ASIC2: variants seen among roughly 807,000 people sequenced by gnomAD.
The protein encoded by ASIC2 is acid sensing ion channel subunit 2.
ASIC2 carries 25 observed loss-of-function variants against 57.3 expected under a neutral mutation model. That is an observed-to-expected ratio of 0.44 (90% CI 0.32 to 0.61). The LOEUF is 0.61. Ranked by LOEUF, ASIC2 falls within the 20% of genes least tolerant of loss-of-function variation. The pLI is 0.06. For missense variants in ASIC2, 641 were observed against 738.1 expected, an observed-to-expected ratio of 0.87 and a Z score of 1.52; for synonymous variants, 319 against 307.5, an observed-to-expected ratio of 1.04 and a Z score of -0.39.
chr17:34,095,735 A>G (rs1312322432), intron 1 of ASIC2, among the ~76,000 whole-genome samples: 2 of 143,716 alleles, frequency 1.4e-5, no homozygotes, highest in Non-Finnish European at 3.0e-5. Flanking sequence ...AGATATATAT[A>G]TAATTTTATA....
chr17:33,164,701 T>C (rs1168210828), intron 1 of ASIC2, among the ~76,000 whole-genome samples: 1 of 152,232 alleles, frequency 6.6e-6, no homozygotes, highest in African/African-American at 2.4e-5. Flanking sequence ...TTGAGCCCTT[T>C]GGAATCATAA....
intron 1 of ASIC2, among the ~76,000 whole-genome samples, chr17:33,232,818 C>G (rs763683482): frequency 6.6e-6 from 1 of 152,196 alleles, no homozygotes; most frequent in East Asian, 1.9e-4. Context: ...GAGATGGACA[C>G]AGGTAATGCA....
intron 1 of ASIC2, among the ~76,000 whole-genome samples, chr17:33,575,756 T>C (rs1916598444): frequency 6.6e-6 from 1 of 152,202 alleles, no homozygotes; most frequent in South Asian, 2.1e-4. Flanking sequence ...CAAGCTGCTC[T>C]GGACTCGGTA....
At chr17:33,848,382 C>T (rs1406747778) in intron 1 of ASIC2, among the ~76,000 whole-genome samples, 1 of 152,150 alleles carries the variant, frequency 6.6e-6, no homozygotes, top group African/African-American at 2.4e-5. Context: ...CCTCTGCTCT[C>T]TTGAAAGTGA....
chr17:33,061,409 A>G (rs2092020050), intron 3 of ASIC2, among the ~76,000 whole-genome samples: 1 of 152,182 alleles, frequency 6.6e-6, no homozygotes, highest in Middle Eastern at 3.2e-3. Context: ...TCCTGCATCT[A>G]TTGAGATAAT....
chr17:33,330,008 G>A (rs1004129700), intron 1 of ASIC2, among the ~76,000 whole-genome samples: 12 of 152,184 alleles, frequency 7.9e-5, no homozygotes, highest in South Asian at 2.1e-4. Context: ...TGTAGGAAAA[G>A]GGTTGTGTTC....
chr17:33,535,576 C>T (rs1481825282), intron 1 of ASIC2, among the ~76,000 whole-genome samples: 1 of 151,870 alleles, frequency 6.6e-6, no homozygotes, highest in African/African-American at 2.4e-5. Flanking sequence ...GTGCCTGGCC[C>T]CAAAAATGTC....
chr17:33,889,079 C>T (rs893017862), intron 1 of ASIC2, among the ~76,000 whole-genome samples: 2 of 152,144 alleles, frequency 1.3e-5, no homozygotes, highest in Admixed American at 6.6e-5. Flanking sequence ...TGATAGCTGC[C>T]TCCTAGGAGC....
intron 1 of ASIC2, among the ~76,000 whole-genome samples, chr17:33,649,337 A>G (rs987504700): frequency 4.6e-5 from 7 of 152,206 alleles, no homozygotes; most frequent in Non-Finnish European, 1.5e-5. Context: ...TACAATCTAA[A>G]TATGTACAGG....
At chr17:33,046,518 C>T (rs1487139688) in intron 3 of ASIC2, among the ~76,000 whole-genome samples, 1 of 152,066 alleles carries the variant, frequency 6.6e-6, no homozygotes, top group Non-Finnish European at 1.5e-5. Flanking sequence ...GGAGTGGGTG[C>T]TGGGTGTGTG....
chr17:33,300,398 T>G (rs1240142671), intron 1 of ASIC2, among the ~76,000 whole-genome samples: 3 of 152,174 alleles, frequency 2.0e-5, no homozygotes, highest in Non-Finnish European at 2.9e-5. Flanking sequence ...ACTTCTCATT[T>G]CCCATTATCC....
intron 1 of ASIC2, among the ~76,000 whole-genome samples, chr17:33,464,687 C>CTCTA (rs1264604173): frequency 2.4e-4 from 32 of 132,640 alleles, no homozygotes; most frequent in South Asian, 5.1e-4. Context: ...CTCTCTCTCT[C>CTCTA]TATATATATA....
At chr17:34,061,508 A>G (rs1383984752) in intron 1 of ASIC2, among the ~76,000 whole-genome samples, 1 of 152,210 alleles carries the variant, frequency 6.6e-6, no homozygotes, top group Non-Finnish European at 1.5e-5. Context: ...GATGAAAGCA[A>G]CGGTACCTCA....
At chr17:34,125,851 C>T (rs890425481) in intron 1 of ASIC2, among the ~76,000 whole-genome samples, 2 of 152,102 alleles carry the variant, frequency 1.3e-5, no homozygotes, top group Non-Finnish European at 2.9e-5. Flanking sequence ...GATCCAGGTA[C>T]GAGCTCAGAT....
intron 1 of ASIC2, among the ~76,000 whole-genome samples, chr17:33,800,561 A>G (rs1038026030): frequency 6.6e-6 from 1 of 152,280 alleles, no homozygotes; most frequent in Non-Finnish European, 1.5e-5. Flanking sequence ...CACTTCCCTG[A>G]CAATCATAAT....
rs562982552 is a variant in ASIC2, at chr17:33,963,114, C to A, written c.555+192864G>T. On this transcript the variant is annotated intron_variant, in intron 1 of 9. Coordinates refer to the ASIC2 transcript ENST00000359872. ...TGAGATCTAGAGAGGTGTACAGCAC[C>A]CACTTGCCCCAGGGTTGCACAGCTC... Among the ~76,000 whole-genome samples, 8 of 152,252 alleles carry A rather than the reference C, an allele frequency of 5.3e-5. No homozygotes were observed. The East Asian group carries it at 1.5e-3, about 29-fold the overall frequency.
At chr17:33,801,351 T>C (rs1459229105) in intron 1 of ASIC2, among the ~76,000 whole-genome samples, 2 of 152,172 alleles carry the variant, frequency 1.3e-5, no homozygotes, top group Admixed American at 6.5e-5. Flanking sequence ...CCTCACAAAC[T>C]CTACCCACAC....
intron 1 of ASIC2, among the ~76,000 whole-genome samples, chr17:33,378,834 G>C (rs980437449): frequency 2.0e-5 from 3 of 152,200 alleles, no homozygotes; most frequent in Non-Finnish European, 4.4e-5. Context: ...TTTGGATCTG[G>C]ACAGGAACAG....
chr17:33,238,462 G>A (rs1448381317), intron 1 of ASIC2, among the ~76,000 whole-genome samples: 4 of 152,212 alleles, frequency 2.6e-5, no homozygotes, highest in Non-Finnish European at 2.9e-5. Flanking sequence ...AAGGCAACAC[G>A]CTGCTGCTTG....
Sources: allele counts gnomAD v4.1 joint callset (sites outside exome capture counted in the v4.1 genomes callset), GRCh38; gene constraint gnomAD v4.1.1; transcripts MANE v1.5; gene names NCBI Gene and HGNC (gene_info 2026-07-23, HGNC 2026-07-21).